CMAS: variants seen among roughly 807,000 people sequenced by gnomAD.
CMAS encodes the protein N-acylneuraminate cytidylyltransferase.
CMAS carries 21 observed loss-of-function variants against 53.4 expected under a neutral mutation model. That is an observed-to-expected ratio of 0.39 (90% confidence interval 0.28 to 0.57). The LOEUF is 0.57. Among genes scored for constraint, CMAS ranks in the 20% least tolerant of loss-of-function variants. The pLI, the probability that CMAS is intolerant of heterozygous loss-of-function variation, is 0.56. For missense variants in CMAS, 384 were observed against 534.9 expected (o/e 0.72, Z 2.78); for synonymous variants, 189 against 195.2 (o/e 0.97, Z 0.27).
At chr12:22,062,733 G>A (rs1950317074) in intron 7 of CMAS, among the ~76,000 whole-genome samples, 1 of 152,118 alleles carries the variant, frequency 6.6e-6, no homozygotes, top group African/African-American at 2.4e-5. Context: ...TGGAGATATC[G>A]AGAGTACCTA....
intron 5 of CMAS, 71 bp from the exon 6 acceptor site, chr12:22,061,210 T>C: frequency 7.9e-6 from 8 of 1,011,970 alleles, no homozygotes; most frequent in Non-Finnish European, 1.2e-5. Flanking sequence ...TTTCATGTAT[T>C]GGTTTAGCCA....
intron 1 of CMAS, among the ~76,000 whole-genome samples, chr12:22,050,683 A>G (rs1418739723): frequency 6.6e-6 from 1 of 152,114 alleles, no homozygotes; most frequent in Non-Finnish European, 1.5e-5. Flanking sequence ...GCAATCACTC[A>G]GCTCTACTGT....
chr12:22,049,774 G>A (rs1483653123), intron 1 of CMAS, among the ~76,000 whole-genome samples: 3 of 152,086 alleles, frequency 2.0e-5, no homozygotes, highest in African/African-American at 7.2e-5. Context: ...TTGTGGTGGT[G>A]CATGCCTGTA....
intron 1 of CMAS, among the ~76,000 whole-genome samples, chr12:22,050,670 G>A (rs1361267971): frequency 1.3e-5 from 2 of 152,076 alleles, no homozygotes; most frequent in Non-Finnish European, 2.9e-5. Flanking sequence ...GATCGTCTTT[G>A]TTGCAATCAC....
intron 1 of CMAS, among the ~76,000 whole-genome samples, chr12:22,048,471 C>T (rs1950220264): frequency 6.6e-6 from 1 of 152,092 alleles, no homozygotes; most frequent in Non-Finnish European, 1.5e-5. Context: ...CAGCTTAAGG[C>T]CATGTCCCTA....
chr12:22,060,957 T>C (rs779379244), intron 5 of CMAS, 31 bp downstream of exon 5: 3 of 1,220,344 alleles, frequency 2.5e-6, no homozygotes, highest in Non-Finnish European at 3.6e-6. Context: ...ATAACCTTTG[T>C]ACTAAATCTT....
In CMAS at chr12:22,065,321, T is replaced by G; in HGVS notation, c.*10T>G. The G allele has an allele frequency of 6.3e-7, 1 of 1,596,146 alleles. No homozygotes were observed. The highest frequency in any genetic ancestry group is 8.6e-7 in the Non-Finnish European group (1 of 1,165,850). On this transcript the variant is annotated 3_prime_UTR_variant, in exon 8 of 8. Coordinates refer to ENST00000229329, the MANE Select transcript of CMAS (RefSeq NM_018686.6). Reference sequence around the variant, plus strand: ...TTCATGCCAAAAATAGAAATTAGCGTAATATTGAGAAAAAAATGATACAGC... The same window carrying G: ...TTCATGCCAAAAATAGAAATTAGCGGAATATTGAGAAAAAAATGATACAGC...
intron 4 of CMAS, among the ~76,000 whole-genome samples, chr12:22,059,702 G>A (rs10841929): frequency 0.43 from 65,701 of 151,932 alleles, 15,191 homozygotes; most frequent in East Asian, 0.87. Flanking sequence ...TTAAATTTAA[G>A]TGTTCAGAAA....
At chr12:22,057,795 A>G (rs1202607709) in intron 3 of CMAS, among the ~76,000 whole-genome samples, 1 of 151,716 alleles carries the variant, frequency 6.6e-6, no homozygotes, top group Non-Finnish European at 1.5e-5. Context: ...AATCATCAGA[A>G]TTATTACAGA....
chr12:22,061,240 T>C (rs747942408), intron 5 of CMAS, 41 bp from the exon 6 acceptor site: 1 of 1,378,894 alleles, frequency 7.3e-7, no homozygotes, highest in Admixed American at 1.8e-5. Flanking sequence ...GAGTGATTAG[T>C]ACTGCACTTG....
At chr12:22,056,808 T>G (rs190159322) in intron 3 of CMAS, among the ~76,000 whole-genome samples, 30 of 152,214 alleles carry the variant, frequency 2.0e-4, no homozygotes, top group South Asian at 1.0e-3. Context: ...CTCAGCAGAG[T>G]CCCTCTGATT....
intron 1 of CMAS, among the ~76,000 whole-genome samples, chr12:22,052,344 T>A (rs965920790): frequency 6.6e-6 from 1 of 151,744 alleles, no homozygotes; most frequent in Admixed American, 6.6e-5. Flanking sequence ...AAGCACTTAG[T>A]AAATGGTTCA....
At chr12:22,054,346 A>C (rs868080598) in intron 1 of CMAS, among the ~76,000 whole-genome samples, 9 of 152,120 alleles carry the variant, frequency 5.9e-5, no homozygotes, top group South Asian at 2.1e-4. Context: ...CATTTTGCCT[A>C]CTCATCATTT....
intron 7 of CMAS, among the ~76,000 whole-genome samples, chr12:22,063,082 T>TATG (rs1187348162): frequency 1.3e-5 from 2 of 152,242 alleles, no homozygotes; most frequent in Admixed American, 1.3e-4. Context: ...ACCAGGTACC[T>TATG]ATGATGATAC....
chr12:22,062,456 C>T lies in CMAS; in HGVS notation c.1114+22C>T, dbSNP rs76222479. ...CTTGGTTGGTATCTTTTTATTCACCCATAGTAAAATGGACCAGGAATTAAT... is the reference window on the plus strand; with the variant it reads ...CTTGGTTGGTATCTTTTTATTCACCTATAGTAAAATGGACCAGGAATTAAT... On this transcript the variant is annotated intron_variant, in intron 7 of 7. Transcript: ENST00000229329. The T allele has an allele frequency of 5.0e-3, 8,109 of 1,605,946 alleles. 384 individuals are homozygous for T. In the African/African-American group the frequency reaches 0.095, roughly 19 times the overall value.
In CMAS at chr12:22,062,427, A is replaced by ATATC; in HGVS notation, c.1109_1112dup (p.Gly372SerfsTer4). On this transcript the variant is annotated frameshift_variant, in exon 7 of 8. Transcript: ENST00000229329. LOFTEE classifies it high-confidence loss of function. Reference sequence around the variant, plus strand: ...TGGGCCTGTGCTGGAAAGAAGTGGCATATCTTGGTTGGTATCTTTTTATTC... The same window carrying ATATC: ...TGGGCCTGTGCTGGAAAGAAGTGGCATATCTATCTTGGTTGGTATCTTTTTATTC... The ATATC allele has an allele frequency of 6.2e-7, 1 of 1,612,624 alleles. No homozygotes were observed. Among genetic ancestry groups the ATATC allele is most frequent in the Non-Finnish European group, 8.5e-7 (1 of 1,179,566 alleles).
intron 6 of CMAS, 66 bp from the exon 7 acceptor site, chr12:22,062,215 T>G: frequency 1.4e-6 from 2 of 1,419,478 alleles, no homozygotes; most frequent in African/African-American, 1.5e-5. Flanking sequence ...TTATGAAAGA[T>G]TTCTGTTTTC....
intron 1 of CMAS, among the ~76,000 whole-genome samples, chr12:22,053,111 T>G (rs1165489710): frequency 6.6e-6 from 1 of 151,882 alleles, no homozygotes; most frequent in Admixed American, 6.6e-5. Flanking sequence ...CTGGCCAACA[T>G]GGCAAAACCC....
chr12:22,065,216 A>G lies in CMAS; in HGVS notation c.1210A>G (p.Ile404Val). The G allele has an allele frequency of 6.2e-7, 1 of 1,614,196 alleles. No homozygotes were observed. The highest frequency in any genetic ancestry group is 2.2e-5 in the East Asian group (1 of 44,882). The change falls in exon 8 of 8, where the codon ATT becomes GTT. Residue 404 changes from isoleucine to valine, a missense_variant. Physicochemically the swap from Ile to Val is conservative, Grantham distance 29. Around this residue, in one of 3 missense-constraint regions of CMAS, gnomAD observed 134 missense variants for 154.6 expected, o/e 0.87. Coordinates refer to ENST00000229329, the MANE Select transcript of CMAS (RefSeq NM_018686.6). ...CSTAQKAVGY[I>V]CKCNGGRGAI... The stretch of plus-strand genomic sequence containing the variant: ...TACTGCCCAGAAGGCTGTTGGATAC[A>G]TTTGCAAATGTAATGGTGGCCGTGG...
Sources: allele counts gnomAD v4.1 joint callset (sites outside exome capture counted in the v4.1 genomes callset), GRCh38; gene constraint gnomAD v4.1.1; regional missense constraint gnomAD v4.1.1; transcripts MANE v1.5; gene names NCBI Gene and HGNC (gene_info 2026-07-23, HGNC 2026-07-21).